The following BMPR1B variants were observed in gnomAD, a reference collection of about 807,000 sequenced individuals.
The protein encoded by BMPR1B is bone morphogenetic protein receptor type-1B.
Under a neutral mutation model 59.1 loss-of-function variants are expected in BMPR1B, and 12 were observed. The observed-to-expected ratio is 0.20, with a 90% CI of 0.13 to 0.33. The LOEUF is 0.33. Ranked by LOEUF, BMPR1B falls within the 10% of genes least tolerant of loss-of-function variation. The pLI, the probability that BMPR1B is intolerant of heterozygous loss-of-function variation, is 1.00. For synonymous variants in BMPR1B, 237 were observed against 207.3 expected, an observed-to-expected ratio of 1.14 and a Z score of -1.23; for missense variants, 550 against 610.9, an observed-to-expected ratio of 0.90 and a Z score of 1.05.
chr4:95,048,025 C>T (rs181926177), intron 3 of BMPR1B, among the ~76,000 whole-genome samples: 2 of 152,222 alleles, frequency 1.3e-5, no homozygotes, highest in East Asian at 3.9e-4. Flanking sequence ...ATGTTAAGTT[C>T]CCACTTTTAA....
intron 3 of BMPR1B, among the ~76,000 whole-genome samples, chr4:95,002,656 C>T (rs1027382245): frequency 6.6e-6 from 1 of 152,074 alleles, no homozygotes; most frequent in African/African-American, 2.4e-5. Flanking sequence ...ATTTCTGTAC[C>T]TTCCTGTTTC....
rs189974357 is a variant in BMPR1B, at chr4:95,157,936, T to C, written c.*3263T>C. The stretch of plus-strand genomic sequence containing the variant: ...CAGGGAATTCTTTGACACATTTCAA[T>C]TGGTGTGTAGTCAAGTATAGCAAGT... On this transcript the variant is annotated 3_prime_UTR_variant, in exon 13 of 13. Transcript: ENST00000515059. 9 of 152,322 alleles carry C rather than the reference T, an allele frequency of 5.9e-5. No homozygotes were observed. The East Asian group carries it at 1.5e-3, about 26-fold the overall frequency. The allele number at this position is 152,322 out of a possible 1,614,324, so 9.4% of individuals were successfully genotyped here.
chr4:95,086,572 G>A (rs372695046), intron 3 of BMPR1B, among the ~76,000 whole-genome samples: 3 of 152,296 alleles, frequency 2.0e-5, no homozygotes, highest in South Asian at 2.1e-4. Context: ...GAACAGAGGA[G>A]GTGATACTGG....
chr4:95,104,308 G>A (rs987692395), intron 3 of BMPR1B, 100 bp from the exon 4 acceptor site: 5 of 1,343,036 alleles, frequency 3.7e-6, no homozygotes, highest in Non-Finnish European at 5.2e-6. Flanking sequence ...TAAGTATCTT[G>A]AATACTTCAT....
In BMPR1B at chr4:94,956,955, A is replaced by G. The variant is rs75150652; in HGVS notation, c.-112-39085A>G. Among the ~76,000 whole-genome samples, 523 of 152,340 alleles carry G rather than the reference A, an allele frequency of 3.4e-3. 2 individuals are homozygous for G. The highest frequency in any genetic ancestry group is 0.012 in the African/African-American group (498 of 41,578). On this transcript the variant is annotated intron_variant, in intron 2 of 12. Coordinates refer to ENST00000515059, the MANE Select transcript of BMPR1B (RefSeq NM_001203.3). ...ATAAATTAAGAGGTAACTAAAGATG[A>G]ACACAGGCATCATTGTGGTAAAAAT...
intron 2 of BMPR1B, among the ~76,000 whole-genome samples, chr4:94,922,766 T>G (rs779722026): frequency 6.6e-6 from 1 of 152,176 alleles, no homozygotes; most frequent in Non-Finnish European, 1.5e-5. Flanking sequence ...TGAATAAGAA[T>G]CAACAGTATG....
intron 1 of BMPR1B, among the ~76,000 whole-genome samples, chr4:94,821,795 G>C (rs1308262380): frequency 6.6e-6 from 1 of 152,156 alleles, no homozygotes; most frequent in African/African-American, 2.4e-5. Flanking sequence ...TGTGCCAATA[G>C]CTAGTATTTA....
chr4:94,927,546 A>G (rs1728937469), intron 2 of BMPR1B, among the ~76,000 whole-genome samples: 1 of 152,156 alleles, frequency 6.6e-6, no homozygotes, highest in African/African-American at 2.4e-5. Flanking sequence ...TGGTGAGAGA[A>G]GATGGGAGAA....
At chr4:94,807,087 G>T (rs1373099731) in intron 1 of BMPR1B, among the ~76,000 whole-genome samples, 1 of 152,050 alleles carries the variant, frequency 6.6e-6, no homozygotes. Context: ...TATTATAAAT[G>T]CTTGTGTCCC....
intron 8 of BMPR1B, among the ~76,000 whole-genome samples, chr4:95,125,521 T>TAA (rs1295625860): frequency 1.3e-5 from 2 of 152,024 alleles, no homozygotes; most frequent in African/African-American, 2.4e-5. Context: ...AGCTGTGGGG[T>TAA]TTATGTTTCA....
chr4:94,814,095 T>G (rs1241409361), intron 1 of BMPR1B, among the ~76,000 whole-genome samples: 2 of 152,172 alleles, frequency 1.3e-5, no homozygotes, highest in African/African-American at 2.4e-5. Context: ...AGGATTAATT[T>G]AAAACGGGTT....
At chr4:95,093,257 A>T (rs1051931261) in intron 3 of BMPR1B, among the ~76,000 whole-genome samples, 2 of 151,906 alleles carry the variant, frequency 1.3e-5, no homozygotes, top group Non-Finnish European at 2.9e-5. Context: ...TGTTTTAGAG[A>T]TTTTTCAAAG....
intron 2 of BMPR1B, among the ~76,000 whole-genome samples, chr4:94,978,784 TGCTAATAAAGACATACCTGA>T (rs1404450417): frequency 2.6e-5 from 4 of 152,132 alleles, no homozygotes; most frequent in Non-Finnish European, 4.4e-5. Flanking sequence ...GTTCTCATGC[TGCTAATAAAGACATACCTGA>T]GACTGGGTAA....
At chr4:95,101,397 T>A (rs1730809846) in intron 3 of BMPR1B, among the ~76,000 whole-genome samples, 1 of 152,088 alleles carries the variant, frequency 6.6e-6, no homozygotes, top group Admixed American at 6.6e-5. Context: ...CCTGCAGGGG[T>A]AGGAAAGAAT....
chr4:94,987,653 C>T (rs1021767876), intron 2 of BMPR1B, among the ~76,000 whole-genome samples: 1 of 152,060 alleles, frequency 6.6e-6, no homozygotes, highest in African/African-American at 2.4e-5. Context: ...TGACATAAAT[C>T]TCTCTGGCAT....
At chr4:95,096,716 CATATATAACTATATATAGTT>C (rs1281162489) in intron 3 of BMPR1B, among the ~76,000 whole-genome samples, 1,100 of 75,718 alleles carry the variant, frequency 0.015, 12 homozygotes, top group African/African-American at 0.039. Context: ...TATATAGAGG[CATATATAACTATATATAGTT>C]ATATATAACT....
chr4:94,990,609 C>A (rs1277254501), intron 2 of BMPR1B, among the ~76,000 whole-genome samples: 1 of 152,178 alleles, frequency 6.6e-6, no homozygotes, highest in African/African-American at 2.4e-5. Context: ...TACAGTGTAA[C>A]TGAAGAAAGA....
intron 2 of BMPR1B, among the ~76,000 whole-genome samples, chr4:94,913,457 T>C (rs1201754245): frequency 6.6e-6 from 1 of 152,200 alleles, no homozygotes; most frequent in Non-Finnish European, 1.5e-5. Flanking sequence ...GGATGCTTAG[T>C]GTGACAGTTT....
chr4:94,874,748 T>C (rs1726647816), intron 1 of BMPR1B, among the ~76,000 whole-genome samples: 2 of 152,150 alleles, frequency 1.3e-5, no homozygotes, highest in Admixed American at 6.5e-5. Context: ...TCCCAGGACT[T>C]TGGGAGGCCG....
Sources: allele counts gnomAD v4.1 joint callset (sites outside exome capture counted in the v4.1 genomes callset), GRCh38; gene constraint gnomAD v4.1.1; transcripts MANE v1.5; gene names NCBI Gene and HGNC (gene_info 2026-07-23, HGNC 2026-07-21).